OR2L13: variants seen among roughly 807,000 people sequenced by gnomAD.
The protein encoded by OR2L13 is olfactory receptor 2L13.
OR2L13 carries 14 observed loss-of-function variants against 15.3 expected under a neutral mutation model. That is an observed-to-expected ratio of 0.91 (90% CI 0.60 to 1.43). OR2L13 has a LOEUF of 1.43. OR2L13 is among the 40% of genes most tolerant of loss of function. The pLI is 0.00. For synonymous variants in OR2L13, 152 were observed against 142.9 expected (o/e 1.06, Z -0.45); for missense variants, 367 against 387.9 (o/e 0.95, Z 0.45).
At chr1:248,004,656 TC>T in the OR2L13 span, among the ~76,000 whole-genome samples, 975 of 152,228 alleles carry the variant, frequency 6.4e-3, 4 homozygotes, top group African/African-American at 0.022. Flanking sequence ...GGGGAATGAA[TC>T]CCAGGAAATG....
At chr1:248,061,067 T>C in the OR2L13 span, 1 of 1,614,140 alleles carries the variant, frequency 6.2e-7, no homozygotes, top group Non-Finnish European at 8.5e-7. Context: ...TGCTTTCCTC[T>C]TCACTATCCC....
chr1:247,966,212 C>G, the OR2L13 span: 4 of 1,613,510 alleles, frequency 2.5e-6, no homozygotes, highest in Non-Finnish European at 2.5e-6. Flanking sequence ...GTATTTTACA[C>G]CATTGTCACA....
At chr1:248,014,452 T>A in the OR2L13 span, among the ~76,000 whole-genome samples, 2 of 152,188 alleles carry the variant, frequency 1.3e-5, no homozygotes, top group Non-Finnish European at 2.9e-5. Context: ...TAGTGCTTTG[T>A]GCTTTTAAAT....
intron 2 of OR2L13, 94 bp from the exon 3 acceptor site, chr1:248,099,264 A>G (rs1398362651): frequency 8.1e-6 from 6 of 739,310 alleles, no homozygotes; most frequent in Non-Finnish European, 1.4e-5. Context: ...CTCATTCTAA[A>G]CAAACATTGA....
the OR2L13 span, among the ~76,000 whole-genome samples, chr1:248,031,222 C>A: frequency 5.3e-5 from 8 of 152,100 alleles, no homozygotes; most frequent in Non-Finnish European, 2.9e-5. Context: ...ACTGCTTTCT[C>A]ATTAGGGACA....
the OR2L13 span, among the ~76,000 whole-genome samples, chr1:248,029,581 T>C: frequency 1.3e-5 from 2 of 152,152 alleles, no homozygotes; most frequent in Non-Finnish European, 2.9e-5. Context: ...AGTGTGAACA[T>C]ATATAATACC....
the OR2L13 span, chr1:247,965,947 G>A: frequency 6.2e-7 from 1 of 1,609,052 alleles, no homozygotes; most frequent in Non-Finnish European, 8.5e-7. Context: ...GGTGTGTCAG[G>A]ACACCTCCCA....
chr1:247,950,464 G>A, the OR2L13 span, among the ~76,000 whole-genome samples: 1 of 152,130 alleles, frequency 6.6e-6, no homozygotes, highest in Admixed American at 6.6e-5. Context: ...GATCAAGAAT[G>A]ATTACACTTA....
chr1:248,090,238 C>T (rs950274840), upstream of OR2L13, among the ~76,000 whole-genome samples: 1 of 152,134 alleles, frequency 6.6e-6, no homozygotes, highest in Non-Finnish European at 1.5e-5. Flanking sequence ...GTGTGCCACT[C>T]TCAGGGTATG....
the OR2L13 span, among the ~76,000 whole-genome samples, chr1:247,999,602 G>T: frequency 6.6e-6 from 1 of 152,252 alleles, no homozygotes. Context: ...CTTCTTAGGA[G>T]AATCTATTGT....
At chr1:248,024,510 G>A in the OR2L13 span, among the ~76,000 whole-genome samples, 1 of 152,014 alleles carries the variant, frequency 6.6e-6, no homozygotes, top group South Asian at 2.1e-4. Flanking sequence ...ATTTGGCCTA[G>A]GTTTTCTTCT....
the OR2L13 span, among the ~76,000 whole-genome samples, chr1:247,988,374 C>T: frequency 2.0e-5 from 3 of 151,830 alleles, no homozygotes; most frequent in African/African-American, 7.3e-5. Context: ...AGTCATTTAT[C>T]GTTACCTGTC....
chr1:248,084,572 C>T, the OR2L13 span: 2 of 1,610,470 alleles, frequency 1.2e-6, no homozygotes, highest in African/African-American at 2.7e-5. Flanking sequence ...AGAATAAAGT[C>T]TGGGGTAGTA....
At chr1:248,001,090 G>T in the OR2L13 span, among the ~76,000 whole-genome samples, 1 of 152,022 alleles carries the variant, frequency 6.6e-6, no homozygotes, top group African/African-American at 2.4e-5. Context: ...TTTACTCATA[G>T]GTTTGTGTGT....
chr1:247,958,460 G>C, the OR2L13 span, among the ~76,000 whole-genome samples: 1 of 152,144 alleles, frequency 6.6e-6, no homozygotes, highest in Non-Finnish European at 1.5e-5. Flanking sequence ...TATTAGGTCC[G>C]CTTGGTGCAG....
the OR2L13 span, among the ~76,000 whole-genome samples, chr1:248,052,326 C>A: frequency 2.6e-5 from 4 of 152,080 alleles, no homozygotes; most frequent in Non-Finnish European, 4.4e-5. Flanking sequence ...AAAAGGTTAC[C>A]ATGTATATGA....
chr1:247,967,612 T>C, the OR2L13 span, among the ~76,000 whole-genome samples: 3 of 152,194 alleles, frequency 2.0e-5, no homozygotes, highest in Admixed American at 6.5e-5. Flanking sequence ...TATTCCATTA[T>C]TAAACATTTG....
At chr1:248,050,482 T>C in the OR2L13 span, among the ~76,000 whole-genome samples, 1 of 151,998 alleles carries the variant, frequency 6.6e-6, no homozygotes, top group African/African-American at 2.4e-5. Context: ...ATTTAAATAA[T>C]ATTATATAAT....
At chr1:248,038,406 C>G in the OR2L13 span, 1 of 1,613,772 alleles carries the variant, frequency 6.2e-7, no homozygotes, top group Non-Finnish European at 8.5e-7. Context: ...CATGATTCTT[C>G]TCATCTTTTT....
Sources: gnomAD v4.1 joint callset for allele counts (sites outside exome capture counted in the v4.1 genomes callset) on GRCh38, gnomAD v4.1.1 for gene constraint, MANE v1.5 for transcripts, NCBI Gene and HGNC (gene_info 2026-07-23, HGNC 2026-07-21) for gene names.